The following REPS1 variants were observed in gnomAD, a reference collection of about 807,000 sequenced individuals.
REPS1 encodes the protein RALBP1 associated Eps domain containing 1.
Under a neutral mutation model 100.9 loss-of-function variants are expected in REPS1, and 39 were observed. That is an observed-to-expected ratio of 0.39 (90% CI 0.30 to 0.50). REPS1 has a LOEUF of 0.50. REPS1 is among the 20% of genes least tolerant of loss of function. The pLI, the probability that REPS1 is intolerant of heterozygous loss-of-function variation, is 0.86. For missense variants in REPS1, 821 were observed against 968.5 expected, an observed-to-expected ratio of 0.85 and a Z score of 2.02; for synonymous variants, 324 against 340.3, an observed-to-expected ratio of 0.95 and a Z score of 0.53.
chr6:138,970,738 G>T (rs1034799306), intron 1 of REPS1, among the ~76,000 whole-genome samples: 3 of 152,166 alleles, frequency 2.0e-5, no homozygotes, highest in Admixed American at 2.0e-4. Flanking sequence ...AACCAAGATC[G>T]TGCCATTGCA....
intron 2 of REPS1, among the ~76,000 whole-genome samples, 193 bp from the exon 3 acceptor site, chr6:138,945,890 GAAGT>G (rs1782580998): frequency 1.3e-5 from 2 of 152,136 alleles, no homozygotes; most frequent in African/African-American, 4.8e-5. Flanking sequence ...TATCTAGAAA[GAAGT>G]AATAAAACCA....
chr6:138,953,084 G>T (rs989724076), intron 1 of REPS1, among the ~76,000 whole-genome samples: 1 of 151,960 alleles, frequency 6.6e-6, no homozygotes, highest in Admixed American at 6.6e-5. Context: ...TGATCTGCCC[G>T]CCTCAGCCTC....
intron 2 of REPS1, among the ~76,000 whole-genome samples, chr6:138,946,036 G>A (rs889489454): frequency 1.3e-5 from 2 of 152,148 alleles, no homozygotes; most frequent in African/African-American, 4.8e-5. Context: ...TTACAGATAA[G>A]AAAACTGAGG....
chr6:138,948,747 A>C (rs1176030752), intron 1 of REPS1, among the ~76,000 whole-genome samples: 1 of 152,218 alleles, frequency 6.6e-6, no homozygotes, highest in East Asian at 1.9e-4. Flanking sequence ...TAGAGAGAGC[A>C]GTTTTAGTCT....
At position 138,987,713 on chromosome 6, in the gene REPS1, C is replaced by T. The variant is rs1785354607; in HGVS notation, c.-31G>A. ...CCTCCGGCTCACGGCCGCCCCGCCC[C>T]GCATGCACTACTCGGGGCCCGGCCC... On this transcript the variant is annotated 5_prime_UTR_variant, in exon 1 of 20. Coordinates refer to ENST00000450536, the MANE Select transcript of REPS1 (RefSeq NM_001286611.2). 1.3e-6 allele frequency: 2 copies of T among 1,518,204 alleles called. No individual in the cohort carries two copies. The highest frequency in any genetic ancestry group is 5.2e-5 in the East Asian group (2 of 38,282). 94.0% of individuals were successfully genotyped at this position (1,518,204 alleles called of 1,614,324 possible).
chr6:138,961,855 A>AG (rs1176454053), intron 1 of REPS1, among the ~76,000 whole-genome samples: 4 of 152,280 alleles, frequency 2.6e-5, no homozygotes, highest in Admixed American at 2.6e-4. Flanking sequence ...GCCTTATGGG[A>AG]GCAAGCAATT....
chr6:138,921,423 GC>G (rs1429458592), intron 10 of REPS1, among the ~76,000 whole-genome samples: 1 of 152,002 alleles, frequency 6.6e-6, no homozygotes, highest in African/African-American at 2.4e-5. Context: ...ACTTTGGGAG[GC>G]CAAGGCAGGA....
At chr6:138,937,817 C>A (rs1035764796) in intron 8 of REPS1, among the ~76,000 whole-genome samples, 1 of 152,192 alleles carries the variant, frequency 6.6e-6, no homozygotes, top group Non-Finnish European at 1.5e-5. Flanking sequence ...CCTTGCTAGG[C>A]ACTGAGATAT....
At chr6:138,983,110 A>AT (rs1364934088) in intron 1 of REPS1, among the ~76,000 whole-genome samples, 1 of 152,192 alleles carries the variant, frequency 6.6e-6, no homozygotes, top group Non-Finnish European at 1.5e-5. Flanking sequence ...TGGGACGTGA[A>AT]TAATAGTAAG....
chr6:138,985,230 T>C (rs1284777663), intron 1 of REPS1, among the ~76,000 whole-genome samples: 4 of 152,190 alleles, frequency 2.6e-5, no homozygotes, highest in Non-Finnish European at 5.9e-5. Flanking sequence ...CACTCCACCC[T>C]AATTTAAAGT....
intron 1 of REPS1, among the ~76,000 whole-genome samples, chr6:138,975,086 A>G (rs182968343): frequency 1.3e-5 from 2 of 152,038 alleles, no homozygotes; most frequent in African/African-American, 4.8e-5. Context: ...TTCTAAAGCC[A>G]CCTAGCTACT....
intron 10 of REPS1, among the ~76,000 whole-genome samples, chr6:138,923,963 T>C (rs1168155233): frequency 6.6e-6 from 1 of 152,220 alleles, no homozygotes; most frequent in Non-Finnish European, 1.5e-5. Flanking sequence ...GTGCCTTATT[T>C]ACTTACTTAT....
chr6:138,943,066 G>A (rs778302706), intron 7 of REPS1, among the ~76,000 whole-genome samples: 1 of 152,166 alleles, frequency 6.6e-6, no homozygotes, highest in African/African-American at 2.4e-5. Context: ...TTTTTATAAA[G>A]TAATTTGTGA....
Position 138,910,033 on chromosome 6 carries a change from T to C in REPS1, c.2068-1217A>G, listed in dbSNP as rs149916616. On this transcript the variant is annotated intron_variant, in intron 17 of 19. Coordinates refer to ENST00000450536, the MANE Select transcript of REPS1 (RefSeq NM_001286611.2). ...AAGTACACTGATATAGTTTAGATAT[T>C]TGTCCCCTCCAAATCTCATGGTGAA... Among the ~76,000 whole-genome samples, 373 of 152,284 alleles carry C rather than the reference T, an allele frequency of 2.4e-3. 1 individual carries two copies. The highest frequency in any genetic ancestry group is 8.5e-3 in the African/African-American group (353 of 41,574).
intron 1 of REPS1, among the ~76,000 whole-genome samples, chr6:138,953,389 A>G (rs554912243): frequency 6.6e-6 from 1 of 152,332 alleles, no homozygotes; most frequent in African/African-American, 2.4e-5. Flanking sequence ...GAAAGCAATC[A>G]ACAGAGTAAA....
At chr6:138,914,173 G>A (rs992469614) in intron 15 of REPS1, among the ~76,000 whole-genome samples, 1 of 152,150 alleles carries the variant, frequency 6.6e-6, no homozygotes, top group Non-Finnish European at 1.5e-5. Flanking sequence ...AGGCTCAAGA[G>A]ATCCTCCCAC....
chr6:138,907,325 T>A (rs1779725228), intron 19 of REPS1, 170 bp downstream of exon 19: 15 of 450,224 alleles, frequency 3.3e-5, no homozygotes, highest in South Asian at 7.7e-5. Context: ...TGTGTGTGTG[T>A]GTGTGTGTGT....
intron 10 of REPS1, among the ~76,000 whole-genome samples, chr6:138,922,321 CCA>C (rs1562521545): frequency 6.6e-6 from 1 of 152,064 alleles, no homozygotes; most frequent in Non-Finnish European, 1.5e-5. Flanking sequence ...CATGAAACTG[CCA>C]CAAAGGAATC....
chr6:138,941,289 T>A, intron 8 of REPS1, 46 bp downstream of exon 8: 1 of 1,594,554 alleles, frequency 6.3e-7, no homozygotes, highest in Non-Finnish European at 8.6e-7. Context: ...TCAAGCATTA[T>A]GTTTATCAAG....
Sources: allele counts gnomAD v4.1 joint callset (sites outside exome capture counted in the v4.1 genomes callset), GRCh38; gene constraint gnomAD v4.1.1; transcripts MANE v1.5; gene names NCBI Gene and HGNC (gene_info 2026-07-23, HGNC 2026-07-21).